Variants in SLC35E2B observed in about 807,000 individuals in gnomAD.
The protein encoded by SLC35E2B is solute carrier family 35 member E2B, also known as solute carrier family 35, member E2B.
SLC35E2B carries 18 observed loss-of-function variants against 32.4 expected under a neutral mutation model. That is an observed-to-expected ratio of 0.56 (90% confidence interval 0.38 to 0.82). SLC35E2B has a LOEUF of 0.82. SLC35E2B is among the 40% of genes least tolerant of loss of function. The pLI, the probability that SLC35E2B is intolerant of heterozygous loss-of-function variation, is 0.00. For missense variants in SLC35E2B, 263 were observed against 469.5 expected (o/e 0.56, Z 4.06); for synonymous variants, 132 against 209.1 (o/e 0.63, Z 3.18).
intron 1 of SLC35E2B, 73 bp downstream of exon 1, chr1:1,692,376 C>G: frequency 1.0e-6 from 1 of 996,018 alleles, no homozygotes; most frequent in African/African-American, 1.8e-5. Flanking sequence ...GCACCCAGCA[C>G]CCAGCACCGA....
rs1228277772 is a variant in SLC35E2B, at chr1:1,663,553, C to T, written c.*2229G>A. 2.4e-6 allele frequency: 1 copy of T among 425,048 alleles called. No homozygotes were observed. The highest frequency in any genetic ancestry group is 1.1e-3 in the Middle Eastern group (1 of 918). The allele number at this position is 425,048 out of a possible 1,614,324, so 26.3% of individuals were successfully genotyped here. A position where few individuals can be genotyped will look rare whatever the true frequency, so the allele number is the denominator to read the frequency against. On this transcript the variant is annotated 3_prime_UTR_variant, in exon 10 of 10. Transcript: ENST00000617444. ...TGGCACGATCTTGGCTCACTGCAAC[C>T]TCCATCTCCGGGGTTCAAACAATTC...
chr1:1,690,076 G>A (rs1199240636), intron 2 of SLC35E2B, among the ~76,000 whole-genome samples: 2 of 150,402 alleles, frequency 1.3e-5, no homozygotes, highest in African/African-American at 2.4e-5. Context: ...GAGGTTGGGA[G>A]TTCCAGATCA....
At position 1,672,926 on chromosome 1, in the gene SLC35E2B, G is replaced by C. The variant is rs2101099686; in HGVS notation, c.587-1297C>G. The C allele has an allele frequency of 1.3e-5, 2 of 153,264 alleles. 1 individual carries two copies. The highest frequency in any genetic ancestry group is 1.3e-4 in the Admixed American group (2 of 15,316). 9.5% of individuals were successfully genotyped at this position (153,264 alleles called of 1,614,324 possible). A position where few individuals can be genotyped will look rare whatever the true frequency, so the allele number is the denominator to read the frequency against. Reference sequence around the variant, plus strand: ...ATGGTATCAAGATTTTCTCATTGTTGTCAGCAAGAGAGTTGGTTTTCTAAC... The same window carrying C: ...ATGGTATCAAGATTTTCTCATTGTTCTCAGCAAGAGAGTTGGTTTTCTAAC... On this transcript the variant is annotated intron_variant, in intron 5 of 9. Transcript: ENST00000617444.
At chr1:1,679,243 C>A (rs1403594105) in intron 2 of SLC35E2B, among the ~76,000 whole-genome samples, 1 of 152,212 alleles carries the variant, frequency 6.6e-6, no homozygotes, top group African/African-American at 2.4e-5. Context: ...ACGCCAGTCA[C>A]GTCCCACCTG....
intron 6 of SLC35E2B, chr1:1,671,238 C>T (rs1403796594): frequency 3.6e-5 from 10 of 277,130 alleles, no homozygotes; most frequent in Non-Finnish European, 5.4e-5. Flanking sequence ...CACTGCTGAG[C>T]GTATCTGCGT....
At chr1:1,671,377 G>T in intron 6 of SLC35E2B, 132 bp downstream of exon 6, 1 of 1,051,060 alleles carries the variant, frequency 9.5e-7, no homozygotes, top group South Asian at 3.5e-5. Flanking sequence ...TTGCTCTTTA[G>T]GAAAGGGCAG....
At chr1:1,685,361 C>T (rs1266769148) in intron 2 of SLC35E2B, among the ~76,000 whole-genome samples, 4 of 144,084 alleles carry the variant, frequency 2.8e-5, no homozygotes, top group African/African-American at 1.0e-4. Context: ...CTGCAGTGAC[C>T]GTGATCTCAC....
chr1:1,669,708 C>A lies in SLC35E2B; in HGVS notation c.790G>T (p.Ala264Ser). ...SAPELQFYTSAAAVAMLVPAR... is the reference protein window; with the variant it reads ...SAPELQFYTSSAAVAMLVPAR... ...GGGACGAGCATGGCCACCGCAGCGG[C>A]GCTGGTGTAGAACTGCAGCTCCGGG... is the stretch of plus-strand genomic sequence containing the variant. Residue 264 changes from alanine to serine, a missense_variant, in exon 8 of 10, where the codon GCC becomes TCC. By Grantham distance (99) the Ala-to-Ser change is moderately conservative. Transcript: ENST00000617444. 1.3e-6 allele frequency: 2 copies of A among 1,539,932 alleles called. No individual in the cohort carries two copies. The highest frequency in any genetic ancestry group is 2.5e-5 in the East Asian group (1 of 40,632).
Position 1,663,191 on chromosome 1 carries a change from C to G in SLC35E2B, c.*2591G>C. ...GTTACACAGGAAATTACCCTATTTG[C>G]TAATCCTTTGGAAAAACGTTTGTTT... On this transcript the variant is annotated 3_prime_UTR_variant, in exon 10 of 10. Coordinates refer to ENST00000617444, the MANE Select transcript of SLC35E2B (RefSeq NM_001290264.2). 2 of 922,026 alleles carry G rather than the reference C, an allele frequency of 2.2e-6. No homozygotes were observed. The highest frequency in any genetic ancestry group is 2.6e-6 in the Non-Finnish European group (2 of 771,318). 57.1% of individuals were successfully genotyped at this position (922,026 alleles called of 1,614,324 possible).
chr1:1,684,789 CAAAAAAAAA>C (rs1175219653), intron 2 of SLC35E2B, among the ~76,000 whole-genome samples: 17 of 23,732 alleles, frequency 7.2e-4, no homozygotes, highest in Non-Finnish European at 1.2e-3. Context: ...GACTCCATCT[CAAAAAAAAA>C]AAAAAAAAAA....
chr1:1,666,833 C>CCGT (rs1490759672), intron 9 of SLC35E2B, among the ~76,000 whole-genome samples: 1 of 150,998 alleles, frequency 6.6e-6, no homozygotes, highest in Non-Finnish European at 1.5e-5. Context: ...AGGCCGGGCG[C>CCGT]CGTGGCTCAC....
Position 1,665,356 on chromosome 1 carries a change from C to T in SLC35E2B, c.*426G>A, listed in dbSNP as rs1210323841. ...CTCATGCCCAGGGCCAGTCTGCCGC[C>T]GGTCCAGGGCCTCAGGGCCTTCGAT... On this transcript the variant is annotated 3_prime_UTR_variant, in exon 10 of 10. Transcript: ENST00000617444. The T allele has an allele frequency of 7.3e-6, 3 of 412,196 alleles. No homozygotes were observed. Among genetic ancestry groups the T allele is most frequent in the East Asian group, 3.6e-5 (1 of 27,622 alleles). The allele number at this position is 412,196 out of a possible 1,614,324, so 25.5% of individuals were successfully genotyped here. A position where few individuals can be genotyped will look rare whatever the true frequency, so the allele number is the denominator to read the frequency against.
intron 2 of SLC35E2B, among the ~76,000 whole-genome samples, chr1:1,685,989 G>A (rs944503307): frequency 1.2e-4 from 18 of 148,160 alleles, no homozygotes; most frequent in Non-Finnish European, 2.1e-4. Flanking sequence ...CCGCCACCAC[G>A]CCCAGTGAAT....
At chr1:1,683,743 T>G (rs1399296212) in intron 2 of SLC35E2B, among the ~76,000 whole-genome samples, 1 of 151,582 alleles carries the variant, frequency 6.6e-6, no homozygotes, top group Non-Finnish European at 1.5e-5. Flanking sequence ...CCCTGCCTCA[T>G]CAGCATAAGC....
At chr1:1,666,742 G>A (rs796968307) in intron 9 of SLC35E2B, among the ~76,000 whole-genome samples, 1 of 150,980 alleles carries the variant, frequency 6.6e-6, no homozygotes, top group African/African-American at 2.4e-5. Flanking sequence ...GTGGGAGGCT[G>A]GGCGTGGGGG....
rs1474840818 is a variant in SLC35E2B, at chr1:1,664,879, G to A, written c.*903C>T. The A allele has an allele frequency of 1.1e-6, 1 of 928,516 alleles. No individual in the cohort carries two copies. Among genetic ancestry groups the A allele is most frequent in the East Asian group, 1.2e-4 (1 of 8,158 alleles). The allele number at this position is 928,516 out of a possible 1,614,324, so 57.5% of individuals were successfully genotyped here. ...ATGATAGGAACAGTGGGCTCTGAGG[G>A]AGGACAGACAGGCTCACCCCACGGG... On this transcript the variant is annotated 3_prime_UTR_variant, in exon 10 of 10. Coordinates refer to ENST00000617444, the MANE Select transcript of SLC35E2B (RefSeq NM_001290264.2).
chr1:1,684,963 C>T (rs1176716106), intron 2 of SLC35E2B, among the ~76,000 whole-genome samples: 4 of 149,094 alleles, frequency 2.7e-5, no homozygotes, highest in Admixed American at 6.7e-5. Flanking sequence ...CAAAATTAGC[C>T]GGGCGTGGTG....
intron 9 of SLC35E2B, among the ~76,000 whole-genome samples, chr1:1,667,728 G>T (rs192804572): frequency 1.3e-5 from 2 of 152,128 alleles, no homozygotes; most frequent in Non-Finnish European, 2.9e-5. Flanking sequence ...CGCAACGCCC[G>T]ACTATTCTAG....
Position 1,664,779 on chromosome 1 carries a change from G to A in SLC35E2B, c.*1003C>T, listed in dbSNP as rs1373534875. ...CAGTAAGGACGGCGCCCAGGTAAAC[G>A]CCACGTAACCCAAACCATCAACACT... On this transcript the variant is annotated 3_prime_UTR_variant, in exon 10 of 10. Transcript: ENST00000617444. 2.2e-6 allele frequency: 2 copies of A among 900,300 alleles called. No homozygotes were observed. Among genetic ancestry groups the A allele is most frequent in the Non-Finnish European group, 2.6e-6 (2 of 760,436 alleles). The allele number at this position is 900,300 out of a possible 1,614,324, so 55.8% of individuals were successfully genotyped here.
Sources: allele counts gnomAD v4.1 joint callset (sites outside exome capture counted in the v4.1 genomes callset), GRCh38; gene constraint gnomAD v4.1.1; transcripts MANE v1.5; gene names NCBI Gene and HGNC (gene_info 2026-07-23, HGNC 2026-07-21).